Variants in GRK3 observed in about 807,000 individuals in gnomAD.
The protein encoded by GRK3 is G protein-coupled receptor kinase 3.
A neutral mutation model predicts 95.7 loss-of-function variants in GRK3; 54 were observed. That is an observed-to-expected ratio of 0.56 (90% CI 0.45 to 0.71). GRK3 has a LOEUF of 0.71. Among genes scored for constraint, GRK3 ranks in the 30% least tolerant of loss-of-function variants. The probability of loss-of-function intolerance (pLI) is 0.00; values close to 1 mark genes in which losing one functional copy is unlikely to be tolerated. For missense variants in GRK3, 649 were observed against 851.2 expected, an observed-to-expected ratio of 0.76 and a Z score of 2.96; for synonymous variants, 281 against 290.8, an observed-to-expected ratio of 0.97 and a Z score of 0.34.
At chr22:25,608,734 G>T (rs1413674429) in intron 2 of GRK3, among the ~76,000 whole-genome samples, 122 of 152,200 alleles carry the variant, frequency 8.0e-4, no homozygotes, top group Middle Eastern at 3.4e-3. Context: ...CCTACTTGGA[G>T]CCTGTAGATA....
At chr22:25,652,394 T>C (rs112785168) in intron 3 of GRK3, among the ~76,000 whole-genome samples, 3,400 of 152,236 alleles carry the variant, frequency 0.022, 61 homozygotes, top group Middle Eastern at 0.068. Flanking sequence ...CAGATGGAGA[T>C]GCAGGGAGAA....
At chr22:25,661,782 A>C (rs2084911317) in intron 4 of GRK3, 105 bp downstream of exon 4, 1 of 623,118 alleles carries the variant, frequency 1.6e-6, no homozygotes, top group Non-Finnish European at 2.7e-6. Context: ...TTAAAATTGA[A>C]AAATGCACGC....
At chr22:25,610,326 A>G (rs1013199002) in intron 2 of GRK3, among the ~76,000 whole-genome samples, 1 of 152,076 alleles carries the variant, frequency 6.6e-6, no homozygotes, top group African/African-American at 2.4e-5. Context: ...AATTAGCTGG[A>G]TGTGGTGCTG....
chr22:25,660,302 T>C (rs1229428163), intron 3 of GRK3, among the ~76,000 whole-genome samples: 1 of 152,214 alleles, frequency 6.6e-6, no homozygotes, highest in Non-Finnish European at 1.5e-5. Context: ...CCCTGGTCTT[T>C]TGGCTATGTT....
intron 1 of GRK3, among the ~76,000 whole-genome samples, chr22:25,568,974 T>C (rs1377351390): frequency 1.3e-5 from 2 of 152,230 alleles, no homozygotes; most frequent in Admixed American, 1.3e-4. Context: ...CCACATGTAA[T>C]TGATCTTTAA....
intron 2 of GRK3, among the ~76,000 whole-genome samples, chr22:25,622,631 A>G (rs1601481692): frequency 6.6e-6 from 1 of 152,216 alleles, no homozygotes; most frequent in African/African-American, 2.4e-5. Context: ...GGTCTTGACC[A>G]GGCCCGATGT....
chr22:25,564,855 C>A lies in GRK3; in HGVS notation c.-186C>A, dbSNP rs1386842941. ...GGAGGCGTGCTGCGACCCCGGCCGG[C>A]TACAGCCTGCGGCGCGCGCAGAGCG... is the stretch of plus-strand genomic sequence containing the variant. On this transcript the variant is annotated 5_prime_UTR_variant, in exon 1 of 21. Transcript: ENST00000324198. 2 of 145,270 alleles carry A rather than the reference C, an allele frequency of 1.4e-5. No homozygotes were observed. The highest frequency in any genetic ancestry group is 4.1e-4 in the East Asian group (2 of 4,906). The allele number at this position is 145,270 out of a possible 1,614,324, so 9.0% of individuals were successfully genotyped here.
At chr22:25,608,067 G>A (rs1165306621) in intron 2 of GRK3, among the ~76,000 whole-genome samples, 6 of 152,160 alleles carry the variant, frequency 3.9e-5, no homozygotes, top group Admixed American at 3.3e-4. Flanking sequence ...TCTCTAAAGT[G>A]GGCTCAGATG....
chr22:25,712,893 C>T (rs1015935944), intron 17 of GRK3, among the ~76,000 whole-genome samples: 2 of 152,218 alleles, frequency 1.3e-5, no homozygotes, highest in East Asian at 3.8e-4. Context: ...AAGCCCAGGT[C>T]CTGCTCCCGT....
intron 2 of GRK3, among the ~76,000 whole-genome samples, chr22:25,626,487 C>T (rs1275601333): frequency 1.3e-5 from 2 of 152,198 alleles, no homozygotes; most frequent in South Asian, 4.1e-4. Context: ...GATATCCCCA[C>T]TTCCGGGATG....
chr22:25,570,754 A>G (rs1931670908), intron 1 of GRK3, among the ~76,000 whole-genome samples: 1 of 152,028 alleles, frequency 6.6e-6, no homozygotes, highest in African/African-American at 2.4e-5. Context: ...TACTTTTTTA[A>G]TCTTCCCTTC....
chr22:25,574,602 G>A (rs985097632), intron 1 of GRK3, among the ~76,000 whole-genome samples: 4 of 152,192 alleles, frequency 2.6e-5, no homozygotes, highest in African/African-American at 9.7e-5. Context: ...AGGCCGTGAT[G>A]GTATTTTGGA....
chr22:25,664,734 T>A (rs2084931129), intron 5 of GRK3, among the ~76,000 whole-genome samples: 1 of 152,074 alleles, frequency 6.6e-6, no homozygotes, highest in African/African-American at 2.4e-5. Context: ...TTAGCCAGGA[T>A]GGTCTTGATC....
In GRK3 at chr22:25,718,937, C is replaced by A. The variant is rs770753055; in HGVS notation, c.1791+556C>A. ...AATAAAAACTAATACAGAAAAAAAA[C>A]AACACAGTCTAACGACTGTTTACAT... On this transcript the variant is annotated intron_variant, in intron 19 of 20. Transcript: ENST00000324198. Among the ~76,000 whole-genome samples, 237 of 151,982 alleles carry A rather than the reference C, an allele frequency of 1.6e-3. 4 individuals are homozygous for A. Among genetic ancestry groups the A allele is most frequent in the Non-Finnish European group, 4.9e-4 (33 of 67,964 alleles).
Position 25,695,145 on chromosome 22 carries a change from A to G in GRK3, c.1091A>G (p.Lys364Arg). Residue 364 changes from lysine (K) to arginine (R), a missense_variant, in exon 13 of 21, where the codon AAG becomes AGG. Physicochemically the swap from Lys to Arg is conservative, Grantham distance 26 (BLOSUM62 2). This residue lies in a region of GRK3 where 382 missense variants were observed against 493.8 expected (regional missense o/e 0.77). Transcript: ENST00000324198. Reference sequence around the variant, plus strand: ...TACATGGCTCCCGAGGTGCTGCAGAAGGGGACGGCCTATGACAGCAGTGCC... The same window carrying G: ...TACATGGCTCCCGAGGTGCTGCAGAGGGGGACGGCCTATGACAGCAGTGCC... Reference protein sequence around the residue: ...HGYMAPEVLQKGTAYDSSADW... With the variant: ...HGYMAPEVLQRGTAYDSSADW... 1 of 1,614,096 alleles carries G rather than the reference A, an allele frequency of 6.2e-7. No individual in the cohort carries two copies. The highest frequency in any genetic ancestry group is 8.5e-7 in the Non-Finnish European group (1 of 1,179,972).
intron 2 of GRK3, among the ~76,000 whole-genome samples, chr22:25,616,397 A>G (rs2146352487): frequency 6.6e-6 from 1 of 151,946 alleles, no homozygotes; most frequent in East Asian, 1.9e-4. Flanking sequence ...GGAGAGAGAG[A>G]GAGAGAGAGA....
intron 2 of GRK3, among the ~76,000 whole-genome samples, chr22:25,609,048 C>T (rs1452386147): frequency 6.6e-6 from 1 of 152,136 alleles, no homozygotes; most frequent in Non-Finnish European, 1.5e-5. Context: ...TAACTTGCTG[C>T]CAGTAAAACT....
chr22:25,659,165 A>T (rs1310509950), intron 3 of GRK3, among the ~76,000 whole-genome samples: 1 of 152,130 alleles, frequency 6.6e-6, no homozygotes, highest in Non-Finnish European at 1.5e-5. Context: ...AGAGGAGAGG[A>T]ACTACCAAAG....
Position 25,620,522 on chromosome 22 carries a change from C to A in GRK3, c.190+16069C>A, listed in dbSNP as rs1408741916. On this transcript the variant is annotated intron_variant, in intron 2 of 20. Transcript: ENST00000324198. ...CAGGGGCTTTACAAGAAGCTTTTCC[C>A]AAGAGGCTTTAAAAAATGAAAACTT... is the stretch of plus-strand genomic sequence containing the variant. 2.0e-5 allele frequency among the ~76,000 whole-genome samples: 3 copies of A among 152,088 alleles called. No homozygotes were observed. The East Asian group carries it at 5.8e-4, about 29-fold the overall frequency.
Sources: gnomAD v4.1 joint callset for allele counts (sites outside exome capture counted in the v4.1 genomes callset) on GRCh38, gnomAD v4.1.1 for gene constraint, gnomAD v4.1.1 regional missense constraint, MANE v1.5 for transcripts, NCBI Gene and HGNC (gene_info 2026-07-23, HGNC 2026-07-21) for gene names.